MACROD2: variants seen among roughly 807,000 people sequenced by gnomAD.
MACROD2 encodes the protein ADP-ribose glycohydrolase MACROD2.
A neutral mutation model predicts 70.4 loss-of-function variants in MACROD2; 36 were observed. The observed-to-expected ratio is 0.51, with a 90% CI of 0.39 to 0.68. The LOEUF is 0.68. MACROD2 is among the 30% of genes least tolerant of loss of function. The pLI is 0.00. For missense variants in MACROD2, 496 were observed against 538.4 expected (o/e 0.92, Z 0.78); for synonymous variants, 172 against 178.8 (o/e 0.96, Z 0.30).
intron 3 of MACROD2, among the ~76,000 whole-genome samples, chr20:14,432,158 G>A (rs987563328): frequency 1.3e-5 from 2 of 152,070 alleles, no homozygotes; most frequent in African/African-American, 4.8e-5. Flanking sequence ...TGTTATCACG[G>A]CACTTCCCCT....
intron 8 of MACROD2, among the ~76,000 whole-genome samples, chr20:15,767,074 C>T (rs2051540153): frequency 6.6e-6 from 1 of 152,232 alleles, no homozygotes; most frequent in Non-Finnish European, 1.5e-5. Context: ...AGTTTATGTA[C>T]ACTTCAGCAA....
intron 5 of MACROD2, among the ~76,000 whole-genome samples, chr20:15,143,031 A>G (rs6074851): frequency 0.59 from 89,383 of 151,700 alleles, 26,475 homozygotes; most frequent in East Asian, 0.65. Flanking sequence ...ATACCCAGTA[A>G]TGGGATGGCT....
At chr20:15,571,248 A>C (rs2048373052) in intron 8 of MACROD2, among the ~76,000 whole-genome samples, 1 of 152,152 alleles carries the variant, frequency 6.6e-6, no homozygotes, top group South Asian at 2.1e-4. Context: ...GAAAGGAAAA[A>C]TGGTTATAAT....
chr20:14,012,702 T>A (rs774071062), intron 2 of MACROD2, among the ~76,000 whole-genome samples: 27 of 152,320 alleles, frequency 1.8e-4, no homozygotes, highest in Middle Eastern at 3.4e-3. Flanking sequence ...GGTATTGCAC[T>A]AAACATGATA....
At chr20:15,516,653 TG>T (rs1369028184) in intron 8 of MACROD2, among the ~76,000 whole-genome samples, 3 of 152,134 alleles carry the variant, frequency 2.0e-5, no homozygotes, top group African/African-American at 4.8e-5. Context: ...TTCTTTTCCT[TG>T]GGAGTGAAAT....
At chr20:14,043,021 T>C (rs1176406819) in intron 2 of MACROD2, among the ~76,000 whole-genome samples, 5 of 109,814 alleles carry the variant, frequency 4.6e-5, no homozygotes, top group Non-Finnish European at 8.2e-5. Context: ...TGAGCTCATA[T>C]GAGCCTCCTG....
rs189009449 is a variant in MACROD2 at position 15,199,463 on chromosome 20, C to T, written c.419-30477C>T. ...CTTTGAATTTCCATTCTTTCATTTG[C>T]AAAATGACGATAATAATGAAGACTT... On this transcript the variant is annotated intron_variant, in intron 5 of 17. Coordinates refer to ENST00000684519, the MANE Select transcript of MACROD2 (RefSeq NM_001351661.2). 3.8e-3 allele frequency among the ~76,000 whole-genome samples: 575 copies of T among 152,128 alleles called. 3 individuals are homozygous for T. The highest frequency in any genetic ancestry group is 6.1e-3 in the Non-Finnish European group (414 of 67,984).
intron 4 of MACROD2, among the ~76,000 whole-genome samples, chr20:14,564,761 C>T (rs1449855674): frequency 6.6e-6 from 1 of 151,764 alleles, no homozygotes; most frequent in Non-Finnish European, 1.5e-5. Flanking sequence ...TGTGCAACCT[C>T]TTTAGAAAAC....
intron 5 of MACROD2, among the ~76,000 whole-genome samples, chr20:15,110,342 G>A (rs1369533131): frequency 6.6e-6 from 1 of 152,046 alleles, no homozygotes; most frequent in Non-Finnish European, 1.5e-5. Context: ...ACTGGAATTG[G>A]GGACATCAAG....
At chr20:14,040,823 TATTA>T (rs2053380264) in intron 2 of MACROD2, among the ~76,000 whole-genome samples, 1 of 152,212 alleles carries the variant, frequency 6.6e-6, no homozygotes, top group Admixed American at 6.5e-5. Flanking sequence ...TATGGCCTGT[TATTA>T]ATTGAAATGT....
At chr20:15,442,557 T>C (rs1040220148) in intron 7 of MACROD2, among the ~76,000 whole-genome samples, 1 of 152,094 alleles carries the variant, frequency 6.6e-6, no homozygotes, top group African/African-American at 2.4e-5. Context: ...GTCCCTCTAC[T>C]CAAAGTAGCA....
At chr20:15,892,870 A>T (rs998109075) in intron 10 of MACROD2, 1 of 398,200 alleles carries the variant, frequency 2.5e-6, no homozygotes, top group African/African-American at 2.1e-5. Flanking sequence ...ATTTCACATA[A>T]TTTTGAACCC....
intron 3 of MACROD2, among the ~76,000 whole-genome samples, chr20:14,451,414 T>C (rs1358350233): frequency 2.6e-5 from 4 of 151,996 alleles, no homozygotes; most frequent in African/African-American, 7.3e-5. Context: ...ATGCCACTGC[T>C]CTCCAGCCTG....
At chr20:14,175,013 T>G (rs2081252281) in intron 3 of MACROD2, among the ~76,000 whole-genome samples, 1 of 152,188 alleles carries the variant, frequency 6.6e-6, no homozygotes, top group African/African-American at 2.4e-5. Context: ...TTTCACACTC[T>G]GGGCACTAGC....
At chr20:14,207,076 C>T (rs1295331179) in intron 3 of MACROD2, among the ~76,000 whole-genome samples, 2 of 151,490 alleles carry the variant, frequency 1.3e-5, no homozygotes, top group African/African-American at 4.8e-5. Context: ...TATATTCATC[C>T]ATCAATGGAA....
At chr20:14,328,834 A>G (rs540470193) in intron 3 of MACROD2, 52 of 152,138 alleles carry the variant, frequency 3.4e-4, no homozygotes, top group African/African-American at 1.2e-3. Context: ...TCCTGTTACT[A>G]TGTAGGACAC....
chr20:15,359,415 A>T (rs2078326105), intron 6 of MACROD2, among the ~76,000 whole-genome samples: 1 of 152,022 alleles, frequency 6.6e-6, no homozygotes, highest in African/African-American at 2.4e-5. Context: ...CCATAAAATT[A>T]TCTGTAGCTC....
intron 4 of MACROD2, among the ~76,000 whole-genome samples, chr20:14,644,616 C>T (rs925081823): frequency 3.9e-5 from 6 of 152,238 alleles, no homozygotes; most frequent in Admixed American, 3.9e-4. Flanking sequence ...CTCCATTTTA[C>T]TTGTTTATCG....
At chr20:14,485,897 T>G (rs2084723733) in intron 3 of MACROD2, among the ~76,000 whole-genome samples, 1 of 152,098 alleles carries the variant, frequency 6.6e-6, no homozygotes. Context: ...AACACTCTGC[T>G]ATATTGATCA....
Sources: allele counts gnomAD v4.1 joint callset (sites outside exome capture counted in the v4.1 genomes callset), GRCh38; gene constraint gnomAD v4.1.1; transcripts MANE v1.5; gene names NCBI Gene and HGNC (gene_info 2026-07-23, HGNC 2026-07-21).